Variants in RNF115 observed in about 807,000 individuals in gnomAD.
The protein encoded by RNF115 is E3 ubiquitin-protein ligase RNF115.
RNF115 carries 31 observed loss-of-function variants against 39.2 expected under a neutral mutation model. The ratio of observed to expected loss-of-function variants is 0.79; its 90% CI spans 0.59 to 1.07. The LOEUF is 1.07. Among genes scored for constraint, RNF115 ranks in the 50% least tolerant of loss-of-function variants. The probability of loss-of-function intolerance (pLI) is 0.00; values close to 1 mark genes in which losing one functional copy is unlikely to be tolerated. For synonymous variants in RNF115, 124 were observed against 131.0 expected, an observed-to-expected ratio of 0.95 and a Z score of 0.37; for missense variants, 384 against 381.7, an observed-to-expected ratio of 1.01 and a Z score of -0.05.
chr1:145,784,727 T>C (rs587689296), intron 2 of RNF115, 131 bp from the exon 3 acceptor site: 6 of 654,038 alleles, frequency 9.2e-6, no homozygotes, highest in African/African-American at 9.1e-5. Flanking sequence ...ACAACACCTA[T>C]TAAAGGAAAT....
intron 2 of RNF115, among the ~76,000 whole-genome samples, chr1:145,785,003 T>C (rs955579800): frequency 6.6e-6 from 1 of 152,210 alleles, no homozygotes; most frequent in African/African-American, 2.4e-5. Context: ...TTAATATTTC[T>C]TAGGAATGAT....
chr1:145,799,455 G>C (rs1559126822), intron 1 of RNF115, among the ~76,000 whole-genome samples: 1 of 152,036 alleles, frequency 6.6e-6, no homozygotes, highest in Admixed American at 6.5e-5. Context: ...TCTTTTTCTT[G>C]CCTAAATTGG....
chr1:145,804,180 T>A (rs587663137), intron 1 of RNF115, among the ~76,000 whole-genome samples: 2 of 152,318 alleles, frequency 1.3e-5, no homozygotes, highest in South Asian at 4.1e-4. Flanking sequence ...AGCTCTACAT[T>A]CCAAGCATTG....
chr1:145,782,954 C>T (rs587656247), intron 3 of RNF115, among the ~76,000 whole-genome samples: 2 of 152,294 alleles, frequency 1.3e-5, no homozygotes, highest in South Asian at 2.1e-4. Context: ...CTCTGCCTCC[C>T]GGGTTCAAGC....
At chr1:145,795,499 G>T (rs1454744612) in intron 1 of RNF115, among the ~76,000 whole-genome samples, 1 of 152,100 alleles carries the variant, frequency 6.6e-6, no homozygotes, top group Admixed American at 6.6e-5. Context: ...TTTACAGAGT[G>T]CTGATTAGTG....
At chr1:145,814,944 CT>C (rs1649916538) in intron 1 of RNF115, among the ~76,000 whole-genome samples, 1 of 43,578 alleles carries the variant, frequency 2.3e-5, no homozygotes. Flanking sequence ...AATATAATTA[CT>C]GGGTGTTCAA....
intron 4 of RNF115, among the ~76,000 whole-genome samples, chr1:145,760,194 T>C (rs1254761286): frequency 2.0e-5 from 3 of 151,972 alleles, no homozygotes; most frequent in Admixed American, 6.6e-5. Context: ...TCCCAGCACA[T>C]TGGGAGGCCA....
chr1:145,769,068 G>A (rs587741960), intron 4 of RNF115, among the ~76,000 whole-genome samples: 4 of 152,082 alleles, frequency 2.6e-5, no homozygotes, highest in African/African-American at 9.6e-5. Flanking sequence ...AAGTGAGAAG[G>A]CTACTTAATT....
At chr1:145,769,777 AAGAT>A (rs1408636186) in intron 4 of RNF115, among the ~76,000 whole-genome samples, 12 of 151,482 alleles carry the variant, frequency 7.9e-5, no homozygotes, top group Non-Finnish European at 1.8e-4. Flanking sequence ...AAAAAAAAAA[AAGAT>A]AAGGAACAAA....
At chr1:145,820,527 C>T (rs1268463899) in intron 1 of RNF115, among the ~76,000 whole-genome samples, 2 of 151,364 alleles carry the variant, frequency 1.3e-5, no homozygotes, top group African/African-American at 4.9e-5. Context: ...ATCACAAGGT[C>T]GAGATGGAGA....
In RNF115 at chr1:145,746,886, G is replaced by A. The variant is rs1553711807; in HGVS notation, c.895C>T (p.His299Tyr). ...TAGCTTCAGAAAGTCCATCGGTCATGTAGCTGACTGTCATTGCTAAATCTG... is the reference window on the plus strand; with the variant it reads ...TAGCTTCAGAAAGTCCATCGGTCATATAGCTGACTGTCATTGCTAAATCTG... The part of the protein sequence containing the change: ...SNRFSNDSQL[H>Y]DRWTF Residue 299 changes from histidine to tyrosine, a missense_variant, in exon 9 of 9, where the codon CAT becomes TAT. His to Tyr is a moderately conservative substitution (Grantham distance 83, BLOSUM62 2). Coordinates refer to ENST00000582693, the MANE Select transcript of RNF115 (RefSeq NM_014455.4). 6 of 1,613,998 alleles carry A rather than the reference G, an allele frequency of 3.7e-6. No homozygotes were observed. The South Asian group carries it at 6.6e-5, about 18-fold the overall frequency.
At chr1:145,749,310 AC>A (rs1553712156) in intron 7 of RNF115, among the ~76,000 whole-genome samples, 2 of 152,048 alleles carry the variant, frequency 1.3e-5, no homozygotes, top group African/African-American at 4.8e-5. Flanking sequence ...CACGGTCTTA[AC>A]CCTCCAAATA....
chr1:145,784,394 C>T (rs1312485634), intron 3 of RNF115, 145 bp downstream of exon 3: 1 of 700,940 alleles, frequency 1.4e-6, no homozygotes, highest in African/African-American at 1.8e-5. Context: ...AAACACAAAT[C>T]TTCCCAAGGG....
chr1:145,764,815 G>T (rs908215913), intron 4 of RNF115, among the ~76,000 whole-genome samples: 1 of 149,120 alleles, frequency 6.7e-6, no homozygotes, highest in African/African-American at 2.5e-5. Flanking sequence ...GGGTGCCTCC[G>T]CCCGGCCAGC....
intron 1 of RNF115, among the ~76,000 whole-genome samples, chr1:145,813,195 C>T (rs1649814113): frequency 6.6e-6 from 1 of 151,662 alleles, no homozygotes; most frequent in African/African-American, 2.4e-5. Flanking sequence ...TATCATTTTA[C>T]AATGGGATAT....
intron 3 of RNF115, among the ~76,000 whole-genome samples, chr1:145,780,935 T>G (rs1233855925): frequency 6.6e-6 from 1 of 152,162 alleles, no homozygotes; most frequent in Non-Finnish European, 1.5e-5. Flanking sequence ...TTGCAAGTAA[T>G]CAATGAAACC....
At chr1:145,811,890 A>C (rs1559132359) in intron 1 of RNF115, among the ~76,000 whole-genome samples, 1 of 11,762 alleles carries the variant, frequency 8.5e-5, no homozygotes, top group African/African-American at 4.2e-4. Flanking sequence ...TCACAAAAAA[A>C]AAAAAAAAAA....
intron 1 of RNF115, among the ~76,000 whole-genome samples, chr1:145,789,215 G>C (rs1553718574): frequency 6.6e-6 from 1 of 151,868 alleles, no homozygotes; most frequent in African/African-American, 2.4e-5. Context: ...AGATCCTCCT[G>C]CCTTAGCCTT....
chr1:145,801,088 A>G (rs1002750919), intron 1 of RNF115, among the ~76,000 whole-genome samples: 9 of 151,294 alleles, frequency 5.9e-5, no homozygotes, highest in South Asian at 4.2e-4. Flanking sequence ...GGAGAATGGC[A>G]TGAACCCAAG....
Sources: gnomAD v4.1 joint callset for allele counts (sites outside exome capture counted in the v4.1 genomes callset) on GRCh38, gnomAD v4.1.1 for gene constraint, MANE v1.5 for transcripts, NCBI Gene and HGNC (gene_info 2026-07-23, HGNC 2026-07-21) for gene names.